CRYL1: variants seen among roughly 807,000 people sequenced by gnomAD.
CRYL1 encodes crystallin lambda 1, also known as lambda-crystallin homolog.
Under a neutral mutation model 36.6 loss-of-function variants are expected in CRYL1, and 29 were observed. That is an observed-to-expected ratio of 0.79 (90% CI 0.59 to 1.08). CRYL1 has a LOEUF of 1.08. CRYL1 is among the 50% of genes least tolerant of loss of function. CRYL1 has a pLI of 0.00. For synonymous variants in CRYL1, 152 were observed against 151.5 expected, an observed-to-expected ratio of 1.00 and a Z score of -0.02; for missense variants, 411 against 407.9, an observed-to-expected ratio of 1.01 and a Z score of -0.06.
rs1436592851 is a variant in CRYL1 at position 20,425,274 on chromosome 13, T to G, written c.633+6828A>C. 2.0e-5 allele frequency among the ~76,000 whole-genome samples: 3 copies of G among 152,222 alleles called. No homozygotes were observed. Among genetic ancestry groups the G allele is most frequent in the Non-Finnish European group, 4.4e-5 (3 of 68,042 alleles). On this transcript the variant is annotated intron_variant, in intron 5 of 7. Coordinates refer to ENST00000298248, the MANE Select transcript of CRYL1 (RefSeq NM_015974.3). The surrounding 1 kb of genome is among the most constrained non-coding windows in gnomAD (Gnocchi z 4.4). ...GCCACAAGACTGCTGTTCCTGTCCT[T>G]GACCTCAAAGCCTGTGAAACGATGA...
chr13:20,515,301 T>C (rs2033981398), intron 1 of CRYL1, among the ~76,000 whole-genome samples: 1 of 152,188 alleles, frequency 6.6e-6, no homozygotes, highest in Non-Finnish European at 1.5e-5. Flanking sequence ...AACCACTGAA[T>C]TGTACACTTT....
chr13:20,473,436 C>CTG (rs776331336), intron 3 of CRYL1, among the ~76,000 whole-genome samples: 2 of 152,258 alleles, frequency 1.3e-5, no homozygotes, highest in Non-Finnish European at 2.9e-5. Flanking sequence ...GACTCGGCCC[C>CTG]TGGTACCAGC....
chr13:20,499,899 T>C (rs1256679877), intron 2 of CRYL1, among the ~76,000 whole-genome samples: 1 of 152,234 alleles, frequency 6.6e-6, no homozygotes, highest in African/African-American at 2.4e-5. Flanking sequence ...ACTTTTGTCA[T>C]CCACAATTGT....
chr13:20,490,161 T>G (rs184341126), intron 2 of CRYL1, among the ~76,000 whole-genome samples: 23 of 152,080 alleles, frequency 1.5e-4, no homozygotes, highest in Non-Finnish European at 2.6e-4. Context: ...GAGGCCGAGG[T>G]GGGTGGATCA....
chr13:20,511,264 T>C (rs1396728058), intron 2 of CRYL1, among the ~76,000 whole-genome samples: 1 of 152,006 alleles, frequency 6.6e-6, no homozygotes, highest in Non-Finnish European at 1.5e-5. Context: ...ATTTTTTTCT[T>C]TTTTTTCTGT....
intron 3 of CRYL1, among the ~76,000 whole-genome samples, chr13:20,483,061 G>A (rs909929012): frequency 1.3e-5 from 2 of 152,040 alleles, no homozygotes; most frequent in African/African-American, 4.8e-5. Flanking sequence ...GGGAAGGAGC[G>A]ATGAAGAGAA....
At chr13:20,470,397 G>T (rs528116042) in intron 3 of CRYL1, among the ~76,000 whole-genome samples, 48 of 152,328 alleles carry the variant, frequency 3.2e-4, no homozygotes, top group African/African-American at 1.1e-3. Context: ...AAACCACAGG[G>T]AAGGCACCAG....
At chr13:20,490,261 G>A (rs191662532) in intron 2 of CRYL1, among the ~76,000 whole-genome samples, 4 of 152,136 alleles carry the variant, frequency 2.6e-5, no homozygotes, top group Non-Finnish European at 2.9e-5. Flanking sequence ...GCATTGTGCC[G>A]CGTGCCTGTA....
intron 3 of CRYL1, 150 bp downstream of exon 3, chr13:20,489,219 CA>C (rs1396565482): frequency 1.2e-6 from 1 of 867,394 alleles, no homozygotes; most frequent in African/African-American, 1.7e-5. Context: ...TTTTGGGGAT[CA>C]CATTTCCTAT....
chr13:20,460,440 C>G (rs2032784323), intron 3 of CRYL1, among the ~76,000 whole-genome samples: 1 of 151,544 alleles, frequency 6.6e-6, no homozygotes, highest in Non-Finnish European at 1.5e-5. Flanking sequence ...ATCCACTTCA[C>G]CACAGCCTCA....
chr13:20,404,239 T>C lies in CRYL1; in HGVS notation c.850A>G (p.Met284Val). 5 of 1,599,300 alleles carry C rather than the reference T, an allele frequency of 3.1e-6. No homozygotes were observed. Among genetic ancestry groups the C allele is most frequent in the Admixed American group, 1.7e-5 (1 of 59,914 alleles). Residue 284 changes from methionine (M) to valine (V), a missense_variant, in exon 8 of 8, where the codon ATG (methionine) becomes GTG (valine). Met to Val is a conservative substitution (Grantham distance 21, BLOSUM62 1). Transcript: ENST00000298248. ...RATAEKVNQD[M>V]CMKVPDDPEH... is the part of the protein sequence containing the mutation. ...GGGTCATCAGGGACCTTCATGCACA[T>C]GTCCTGCAAGAAGGAGAAGGAAAAA... is the stretch of plus-strand genomic sequence containing the variant.
chr13:20,509,785 C>G (rs2137506003), intron 2 of CRYL1, among the ~76,000 whole-genome samples: 1 of 152,242 alleles, frequency 6.6e-6, no homozygotes, highest in African/African-American at 2.4e-5. Flanking sequence ...AAAAAATTAG[C>G]TGGGCGTAGT....
intron 3 of CRYL1, among the ~76,000 whole-genome samples, chr13:20,449,173 G>A (rs1011394049): frequency 3.3e-5 from 5 of 152,142 alleles, no homozygotes; most frequent in Admixed American, 3.3e-4. Context: ...CACTAGAAAT[G>A]AAATAATTGA....
At chr13:20,448,891 G>T (rs989991919) in intron 3 of CRYL1, among the ~76,000 whole-genome samples, 1 of 152,226 alleles carries the variant, frequency 6.6e-6, no homozygotes, top group Admixed American at 6.5e-5. Flanking sequence ...GAATACACTG[G>T]GCGTGGTGGC....
chr13:20,413,926 G>A, intron 5 of CRYL1, among the ~76,000 whole-genome samples: 1 of 152,122 alleles, frequency 6.6e-6, no homozygotes, highest in East Asian at 1.9e-4. Context: ...TGTAATCCCA[G>A]CACTTTCGGA....
rs945416593 is a variant in CRYL1, at chr13:20,474,858, G to T, written c.276+14512C>A. Among the ~76,000 whole-genome samples, 3 of 152,094 alleles carry T rather than the reference G, an allele frequency of 2.0e-5. No individual in the cohort carries two copies. In the East Asian group the frequency reaches 5.8e-4, roughly 29 times the overall value. On this transcript the variant is annotated intron_variant, in intron 3 of 7. Coordinates refer to ENST00000298248, the MANE Select transcript of CRYL1 (RefSeq NM_015974.3). The stretch of plus-strand genomic sequence containing the variant: ...TCAGTAAAGGGAAGGAGACCATTTG[G>T]CCTTAACAATCTTGACCTCCTCAAC...
intron 5 of CRYL1, among the ~76,000 whole-genome samples, chr13:20,429,958 G>T (rs2032019251): frequency 6.6e-6 from 1 of 152,140 alleles, no homozygotes; most frequent in Non-Finnish European, 1.5e-5. Flanking sequence ...CTGCCACTGA[G>T]CGGTGATGGT....
At chr13:20,464,170 T>C (rs1283405482) in intron 3 of CRYL1, among the ~76,000 whole-genome samples, 1 of 152,208 alleles carries the variant, frequency 6.6e-6, no homozygotes, top group Non-Finnish European at 1.5e-5. Flanking sequence ...ATGTTCGTTA[T>C]ACAAGTTACA....
intron 5 of CRYL1, chr13:20,427,237 T>C (rs1280976490): frequency 2.0e-6 from 2 of 985,326 alleles, no homozygotes; most frequent in Non-Finnish European, 2.4e-6. Context: ...TGTCAGTAGA[T>C]TGTGGCCAGA....
Sources: gnomAD v4.1 joint callset for allele counts (sites outside exome capture counted in the v4.1 genomes callset) on GRCh38, gnomAD v4.1.1 for gene constraint, Gnocchi (gnomAD v3.1) non-coding constraint, MANE v1.5 for transcripts, NCBI Gene and HGNC (gene_info 2026-07-23, HGNC 2026-07-21) for gene names.